The following MEGF8 variants were observed in gnomAD, a reference collection of about 807,000 sequenced individuals.
MEGF8 encodes multiple epidermal growth factor-like domains protein 8.
In MEGF8, 156 loss-of-function variants were observed where a neutral mutation model predicts 302.9. That is an observed-to-expected ratio of 0.52 (90% CI 0.45 to 0.59). The LOEUF (loss-of-function observed/expected upper bound fraction) is 0.59. MEGF8 is among the 20% of genes least tolerant of loss of function. The probability of loss-of-function intolerance (pLI) is 0.00; values close to 1 mark genes in which losing one functional copy is unlikely to be tolerated. For missense variants in MEGF8, 3,345 were observed against 3,964.5 expected (o/e 0.84, Z 4.20); for synonymous variants, 1,621 against 1,660.5 (o/e 0.98, Z 0.58).
At chr19:42,349,439 G>A in intron 13 of MEGF8, 60 bp from the exon 14 acceptor site, 1 of 1,482,954 alleles carries the variant, frequency 6.7e-7, no homozygotes, top group Middle Eastern at 2.4e-4. Flanking sequence ...GGTATCAGGG[G>A]TCTGAGGAAG....
Position 42,344,875 on chromosome 19 carries a change from T to G in MEGF8, c.2097+42T>G. 6.7e-7 allele frequency: 1 copy of G among 1,489,682 alleles called. No individual in the cohort carries two copies. The highest frequency in any genetic ancestry group is 1.4e-5 in the African/African-American group (1 of 71,026). 92.3% of individuals were successfully genotyped at this position (1,489,682 alleles called of 1,614,324 possible). On this transcript the variant is annotated intron_variant, in intron 12 of 41. Transcript: ENST00000251268. This position sits in a 1 kb window ranked among gnomAD's most constrained non-coding sequence, Gnocchi z 4.5. Reference sequence around the variant, plus strand: ...GCCCTGGGTGGGGTGTTGATGATCCTGATCCTAGGGTTTGTTTTTTCTCAA... The same window carrying G: ...GCCCTGGGTGGGGTGTTGATGATCCGGATCCTAGGGTTTGTTTTTTCTCAA...
chr19:42,350,506 G>A, intron 15 of MEGF8, 122 bp downstream of exon 15: 1 of 867,246 alleles, frequency 1.2e-6, no homozygotes, highest in Non-Finnish European at 1.7e-6. Context: ...GCCTTGATCT[G>A]CAGAGCCTGG....
At position 42,344,487 on chromosome 19, in the gene MEGF8, G is replaced by T. The variant is rs1223186859; in HGVS notation, c.1835G>T (p.Cys612Phe). Reference protein sequence around the residue: ...CLGLGRLLGDCQACLAFSSPT... With the variant: ...CLGLGRLLGDFQACLAFSSPT... ...GGCCTGGGCCGCCTCCTGGGTGACT[G>T]CCAGGCCTGCCTGGCCTTCAGCAGC... Residue 612 changes from cysteine to phenylalanine, a missense_variant, in exon 11 of 42, where the codon TGC becomes TTC. Coordinates refer to ENST00000251268, the MANE Select transcript of MEGF8 (RefSeq NM_001271938.2). The surrounding 1 kb of genome is among the most constrained non-coding windows in gnomAD (Gnocchi z 4.5). 1 of 1,598,124 alleles carries T rather than the reference G, an allele frequency of 6.3e-7. No individual in the cohort carries two copies. Among genetic ancestry groups the T allele is most frequent in the South Asian group, 1.1e-5 (1 of 90,910 alleles).
chr19:42,367,932 C>T (rs1443592225), intron 35 of MEGF8, among the ~76,000 whole-genome samples: 1 of 152,038 alleles, frequency 6.6e-6, no homozygotes. Context: ...AGTTTATTTT[C>T]TTTTTTTGAG....
chr19:42,360,684 C>G, intron 31 of MEGF8, 91 bp from the exon 32 acceptor site: 2 of 1,527,388 alleles, frequency 1.3e-6, no homozygotes, highest in Non-Finnish European at 1.8e-6. Flanking sequence ...TCTCCTCTTT[C>G]CCTGCATCCT....
intron 41 of MEGF8, among the ~76,000 whole-genome samples, chr19:42,372,074 A>ACAAAAAC (rs1555784681): frequency 4.1e-3 from 322 of 79,322 alleles, no homozygotes; most frequent in Middle Eastern, 0.037. Context: ...AACAACAACA[A>ACAAAAAC]ACACACACAC....
intron 8 of MEGF8, among the ~76,000 whole-genome samples, chr19:42,337,509 T>A (rs1272832774): frequency 6.8e-6 from 1 of 148,136 alleles, no homozygotes; most frequent in Non-Finnish European, 1.5e-5. Flanking sequence ...TTCTTTTCTT[T>A]TTTTTTTTTT....
rs758788557 is a variant in MEGF8 at position 42,351,644 on chromosome 19, G to A, written c.2988-4G>A. ...CTCTGACCCCCACCCCTGCCATCCTGCAGTGTACACTCGGAGCCACGGTGC... is the reference window on the plus strand; with the variant it reads ...CTCTGACCCCCACCCCTGCCATCCTACAGTGTACACTCGGAGCCACGGTGC... On this transcript the variant is annotated splice_region_variant and splice_polypyrimidine_tract_variant and intron_variant, in intron 17 of 41. Transcript: ENST00000251268. This position sits in a 1 kb window ranked among gnomAD's most constrained non-coding sequence, Gnocchi z 5.6. 1.9e-6 allele frequency: 3 copies of A among 1,590,754 alleles called. No individual in the cohort carries two copies. The Admixed American group carries it at 5.3e-5, about 28-fold the overall frequency.
chr19:42,342,303 G>A (rs148260773), intron 8 of MEGF8, among the ~76,000 whole-genome samples: 1 of 152,308 alleles, frequency 6.6e-6, no homozygotes, highest in Non-Finnish European at 1.5e-5. Context: ...AGGATTCTTG[G>A]CTGTAACTGA....
chr19:42,335,718 C>T (rs528909984), intron 5 of MEGF8, among the ~76,000 whole-genome samples: 1 of 152,282 alleles, frequency 6.6e-6, no homozygotes, highest in South Asian at 2.1e-4. Context: ...CCCTTTAACT[C>T]TGTCTCCTTG....
chr19:42,351,355 G>A lies in MEGF8; in HGVS notation c.2855+21G>A. ...AGCCAGTGAGTCAGGCTGGGTGCAG[G>A]GAGTGGGTGGGTGGATGTGCCTGGG... is the stretch of plus-strand genomic sequence containing the variant. On this transcript the variant is annotated intron_variant, in intron 16 of 41. Coordinates refer to ENST00000251268, the MANE Select transcript of MEGF8 (RefSeq NM_001271938.2). This position sits in a 1 kb window ranked among gnomAD's most constrained non-coding sequence, Gnocchi z 5.6. 6.4e-7 allele frequency: 1 copy of A among 1,567,736 alleles called. No homozygotes were observed. Among genetic ancestry groups the A allele is most frequent in the East Asian group, 2.4e-5 (1 of 42,458 alleles).
chr19:42,376,928 T>C lies in MEGF8; in HGVS notation c.*153T>C. ...TGCCCAGATGGGGCCTCCTTTGTTC[T>C]GCATTCAGCAGCTATTTATCGAGTA... On this transcript the variant is annotated 3_prime_UTR_variant, in exon 42 of 42. Coordinates refer to ENST00000251268, the MANE Select transcript of MEGF8 (RefSeq NM_001271938.2). The surrounding 1 kb of genome is among the most constrained non-coding windows in gnomAD (Gnocchi z 8.2). 1.4e-6 allele frequency: 1 copy of C among 736,184 alleles called. No homozygotes were observed. Among genetic ancestry groups the C allele is most frequent in the Non-Finnish European group, 2.0e-6 (1 of 503,692 alleles). The allele number at this position is 736,184 out of a possible 1,614,324, so 45.6% of individuals were successfully genotyped here.
In MEGF8 at chr19:42,363,041, C is replaced by A. The variant is rs188626169; in HGVS notation, c.6059-7C>A. Reference sequence around the variant, plus strand: ...CTGAGGTTCTAATCCCCGTGCCCCACCCCCAGGGGAGACCCGCCGCATCCT... The same window carrying A: ...CTGAGGTTCTAATCCCCGTGCCCCAACCCCAGGGGAGACCCGCCGCATCCT... On this transcript the variant is annotated splice_region_variant and splice_polypyrimidine_tract_variant and intron_variant, in intron 34 of 41. Coordinates refer to ENST00000251268, the MANE Select transcript of MEGF8 (RefSeq NM_001271938.2). 2 of 1,610,248 alleles carry A rather than the reference C, an allele frequency of 1.2e-6. No individual in the cohort carries two copies. Among genetic ancestry groups the A allele is most frequent in the Admixed American group, 1.7e-5 (1 of 59,616 alleles).
At chr19:42,346,358 A>G (rs2039288809) in intron 12 of MEGF8, among the ~76,000 whole-genome samples, 2 of 151,002 alleles carry the variant, frequency 1.3e-5, no homozygotes, top group Non-Finnish European at 2.9e-5. Context: ...CCTGGCCAAC[A>G]TGGTGAAACC....
At chr19:42,346,984 C>CAAAA (rs767117534) in intron 12 of MEGF8, among the ~76,000 whole-genome samples, 3 of 49,788 alleles carry the variant, frequency 6.0e-5, no homozygotes, top group African/African-American at 2.2e-4. Flanking sequence ...GACTCTGTCT[C>CAAAA]AAAAAAAAAA....
At position 42,356,574 on chromosome 19, in the gene MEGF8, G is replaced by T; in HGVS notation, c.4622+121G>T. 1.0e-6 allele frequency: 1 copy of T among 978,946 alleles called. No homozygotes were observed. 60.6% of individuals were successfully genotyped at this position (978,946 alleles called of 1,614,324 possible). On this transcript the variant is annotated intron_variant, in intron 26 of 41. Transcript: ENST00000251268. The surrounding 1 kb of genome is among the most constrained non-coding windows in gnomAD (Gnocchi z 5.2). The stretch of plus-strand genomic sequence containing the variant: ...GGTAAAGGACAGCCCAAAGGATGCT[G>T]GGACACTTGTCACAGGAAGCTCACC...
Position 42,344,561 on chromosome 19 carries a change from A to C in MEGF8, c.1909A>C (p.Asn637His). 1 of 1,598,352 alleles carries C rather than the reference A, an allele frequency of 6.3e-7. No individual in the cohort carries two copies. The highest frequency in any genetic ancestry group is 8.5e-7 in the Non-Finnish European group (1 of 1,176,730). Residue 637 changes from asparagine to histidine, a missense_variant, in exon 11 of 42, where the codon AAT (asparagine) becomes CAT (histidine). Asn to His is a moderately conservative substitution (Grantham distance 68). Transcript: ENST00000251268. The surrounding 1 kb of genome is among the most constrained non-coding windows in gnomAD (Gnocchi z 4.5). ...GPGTLGWCVH[N>H]ESCLPRPEQA... ...TGGCACCCTGGGCTGGTGCGTGCAC[A>C]ATGAGAGCTGCCTCCCTAGGCCTGG... is the stretch of plus-strand genomic sequence containing the variant.
rs2039445965 is a variant in MEGF8 at position 42,355,976 on chromosome 19, G to A, written c.4363G>A (p.Ala1455Thr). The A allele has an allele frequency of 2.5e-6, 4 of 1,612,104 alleles. No individual in the cohort carries two copies. The highest frequency in any genetic ancestry group is 3.4e-6 in the Non-Finnish European group (4 of 1,179,354). The change falls in exon 24 of 42, where the codon GCC (alanine) becomes ACC (threonine). Residue 1455 changes from alanine (A) to threonine (T), a missense_variant. Coordinates refer to ENST00000251268, the MANE Select transcript of MEGF8 (RefSeq NM_001271938.2). Reference protein sequence around the residue: ...RMALCPENCNAHTGAGTCNQS... With the variant: ...RMALCPENCNTHTGAGTCNQS... ...GGCTCTGTGTCCTGAGAACTGCAATGCCCACACTGGGGCAGGAACTTGTAA... is the reference window on the plus strand; with the variant it reads ...GGCTCTGTGTCCTGAGAACTGCAATACCCACACTGGGGCAGGAACTTGTAA...
At chr19:42,350,653 T>C (rs918304101) in intron 15 of MEGF8, among the ~76,000 whole-genome samples, 4 of 152,026 alleles carry the variant, frequency 2.6e-5, no homozygotes, top group Non-Finnish European at 1.5e-5. Flanking sequence ...AGCCCAGGAG[T>C]AGGCCTTCAG....
Sources: gnomAD v4.1 joint callset for allele counts (sites outside exome capture counted in the v4.1 genomes callset) on GRCh38, gnomAD v4.1.1 for gene constraint, Gnocchi (gnomAD v3.1) non-coding constraint, MANE v1.5 for transcripts, NCBI Gene and HGNC (gene_info 2026-07-23, HGNC 2026-07-21) for gene names.